KLF17: variants seen among roughly 807,000 people sequenced by gnomAD.
The protein encoded by KLF17 is Krueppel-like factor 17.
Under a neutral mutation model 34.2 loss-of-function variants are expected in KLF17, and 31 were observed. The ratio of observed to expected loss-of-function variants is 0.91; its 90% CI spans 0.68 to 1.22. The LOEUF (loss-of-function observed/expected upper bound fraction) is 1.22. Among genes scored for constraint, KLF17 ranks in the 50% most tolerant of loss-of-function variants. The probability of loss-of-function intolerance (pLI) is 0.00; values close to 1 mark genes in which losing one functional copy is unlikely to be tolerated. For synonymous variants in KLF17, 179 were observed against 186.7 expected, an observed-to-expected ratio of 0.96 and a Z score of 0.34; for missense variants, 478 against 505.2, an observed-to-expected ratio of 0.95 and a Z score of 0.52.
the KLF17 span, among the ~76,000 whole-genome samples, chr1:44,061,524 G>T: frequency 1.3e-5 from 2 of 152,142 alleles, no homozygotes; most frequent in Non-Finnish European, 2.9e-5. Flanking sequence ...ATGCCCTGAA[G>T]TTACCACCTC....
intron 1 of KLF17, among the ~76,000 whole-genome samples, chr1:44,124,379 G>C (rs1213944348): frequency 1.3e-5 from 2 of 150,624 alleles, no homozygotes; most frequent in African/African-American, 4.9e-5. Flanking sequence ...GCCCAGGCTG[G>C]AGTGCAGTGG....
rs941521707 is a variant in KLF17 at position 44,134,905 on chromosome 1, C to G, written c.*1668C>G. ...TTCCTGACTTGTGTTATAAGTAACACAGAAGAAGAATGGATGAACTTGATT... is the reference window on the plus strand; with the variant it reads ...TTCCTGACTTGTGTTATAAGTAACAGAGAAGAAGAATGGATGAACTTGATT... On this transcript the variant is annotated 3_prime_UTR_variant, in exon 4 of 4. Transcript: ENST00000372299. 4.0e-5 allele frequency: 6 copies of G among 151,862 alleles called. No homozygotes were observed. The highest frequency in any genetic ancestry group is 1.5e-4 in the African/African-American group (6 of 41,312). 9.4% of individuals were successfully genotyped at this position (151,862 alleles called of 1,614,324 possible).
chr1:44,058,341 C>A, the KLF17 span, among the ~76,000 whole-genome samples: 1 of 151,984 alleles, frequency 6.6e-6, no homozygotes, highest in Non-Finnish European at 1.5e-5. Context: ...CCAAGCTGAT[C>A]GTGCAGTGGC....
At position 44,129,758 on chromosome 1, in the gene KLF17, T is replaced by C. The variant is rs2088081773; in HGVS notation, c.487T>C (p.Ser163Pro). 1 of 1,614,112 alleles carries C rather than the reference T, an allele frequency of 6.2e-7. No homozygotes were observed. Among genetic ancestry groups the C allele is most frequent in the Non-Finnish European group, 8.5e-7 (1 of 1,180,004 alleles). The part of the protein sequence containing the change: ...MPPNGLPVSA[S>P]TGIPIMSHTG... ...CCCCAATGGGCTGCCAGTCTCGGCT[T>C]CCACTGGAATCCCAATAATGTCCCA... Residue 163 changes from serine (S) to proline (P), a missense_variant, in exon 2 of 4, where the codon TCC (serine) becomes CCC (proline). Physicochemically the swap from Ser to Pro is moderately conservative, Grantham distance 74. Coordinates refer to ENST00000372299, the MANE Select transcript of KLF17 (RefSeq NM_173484.4).
chr1:44,098,802 G>A, the KLF17 span, among the ~76,000 whole-genome samples: 17 of 151,756 alleles, frequency 1.1e-4, no homozygotes, highest in Admixed American at 2.6e-4. Flanking sequence ...CGCCCACCTC[G>A]GCCTCCCAAA....
the KLF17 span, among the ~76,000 whole-genome samples, chr1:44,065,171 T>G: frequency 2.5e-3 from 378 of 151,610 alleles, 3 homozygotes; most frequent in African/African-American, 8.9e-3. Context: ...GCCTGTAATC[T>G]CAGCTACTCG....
At chr1:44,115,626 A>C (rs2087873228), upstream of KLF17, 1 of 152,144 alleles carries the variant, frequency 6.6e-6, no homozygotes, top group African/African-American at 2.4e-5. Flanking sequence ...CTATTCCTTT[A>C]TACTTGTTAA....
rs1260805999 is a variant in KLF17, at chr1:44,118,870, GTC to G, written c.-34_-33del. On this transcript the variant is annotated 5_prime_UTR_variant, in exon 1 of 4. It introduces an in-frame stop codon into an upstream open reading frame of the 5' UTR. Coordinates refer to ENST00000372299, the MANE Select transcript of KLF17 (RefSeq NM_173484.4). ...GCGACGCCGTGGTGGCTGGTTCCCTGTCTCTTCAGTAGAGAGTCTAGACCCCA... is the reference window on the plus strand; with the variant it reads ...GCGACGCCGTGGTGGCTGGTTCCCTGTCTTCAGTAGAGAGTCTAGACCCCA... 11 of 1,530,222 alleles carry G rather than the reference GTC, an allele frequency of 7.2e-6. No homozygotes were observed. The highest frequency in any genetic ancestry group is 9.7e-6 in the Non-Finnish European group (11 of 1,131,314). The allele number at this position is 1,530,222 out of a possible 1,614,324, so 94.8% of individuals were successfully genotyped here.
At chr1:44,080,874 G>T in the KLF17 span, among the ~76,000 whole-genome samples, 1 of 151,238 alleles carries the variant, frequency 6.6e-6, no homozygotes, top group African/African-American at 2.4e-5. Flanking sequence ...GCCACCATGC[G>T]TGGCTAATTT....
At chr1:44,085,843 A>C in the KLF17 span, among the ~76,000 whole-genome samples, 1 of 147,156 alleles carries the variant, frequency 6.8e-6, no homozygotes. Context: ...GGAGAGAGAG[A>C]GAGCAATGGC....
the KLF17 span, among the ~76,000 whole-genome samples, chr1:44,075,144 T>C: frequency 2.7e-3 from 252 of 93,204 alleles, no homozygotes; most frequent in Middle Eastern, 5.1e-3. Flanking sequence ...CACACACACA[T>C]ACACGTATAC....
chr1:44,103,443 A>G, the KLF17 span: 3 of 812,488 alleles, frequency 3.7e-6, no homozygotes, highest in Non-Finnish European at 4.3e-6. Flanking sequence ...GCCAGAGCCA[A>G]AGCTGGAGCC....
chr1:44,130,947 C>T (rs1460449151), intron 3 of KLF17, among the ~76,000 whole-genome samples, 191 bp downstream of exon 3: 1 of 152,164 alleles, frequency 6.6e-6, no homozygotes, highest in Non-Finnish European at 1.5e-5. Flanking sequence ...AGGCACGTGC[C>T]ACCAGGCCCG....
the KLF17 span, chr1:44,052,004 A>G: frequency 6.6e-6 from 1 of 152,192 alleles, no homozygotes; most frequent in African/African-American, 2.4e-5. Context: ...CTTTCCCCAC[A>G]GGAACAGAAA....
the KLF17 span, among the ~76,000 whole-genome samples, chr1:44,084,024 A>G: frequency 1.1e-4 from 16 of 152,292 alleles, no homozygotes; most frequent in East Asian, 2.1e-3. Context: ...CTGTGCATGG[A>G]AAGTTTGGAC....
At chr1:44,099,901 GAA>G in the KLF17 span, among the ~76,000 whole-genome samples, 3 of 69,472 alleles carry the variant, frequency 4.3e-5, no homozygotes, top group African/African-American at 1.1e-4. Context: ...AAGAAAGAAA[GAA>G]AGAAAGAAAG....
chr1:44,101,107 A>G, the KLF17 span, among the ~76,000 whole-genome samples: 2 of 152,326 alleles, frequency 1.3e-5, no homozygotes, highest in East Asian at 1.9e-4. Flanking sequence ...AAAGTTTCCA[A>G]GAATACTACA....
At chr1:44,088,041 G>A in the KLF17 span, 213 of 218,390 alleles carry the variant, frequency 9.8e-4, no homozygotes, top group African/African-American at 4.6e-3. Context: ...AATGGCACAG[G>A]AGAAGAGCTG....
At chr1:44,095,091 C>T in the KLF17 span, among the ~76,000 whole-genome samples, 219 of 151,494 alleles carry the variant, frequency 1.4e-3, 1 homozygote, top group Non-Finnish European at 2.4e-3. Context: ...TTAGTAGAGA[C>T]TGGGTTTCAC....
Sources: gnomAD v4.1 joint callset for allele counts (sites outside exome capture counted in the v4.1 genomes callset) on GRCh38, gnomAD v4.1.1 for gene constraint, MANE v1.5 for transcripts, NCBI Gene and HGNC (gene_info 2026-07-23, HGNC 2026-07-21) for gene names.